The following LYPD6B variants were observed in gnomAD, a reference collection of about 807,000 sequenced individuals.
LYPD6B encodes the protein ly6/PLAUR domain-containing protein 6B.
In LYPD6B, 17 loss-of-function variants were observed where a neutral mutation model predicts 22.8. The observed-to-expected ratio is 0.75, with a 90% confidence interval of 0.51 to 1.12. The LOEUF is 1.12. Ranked by LOEUF, LYPD6B falls within the 50% of genes most tolerant of loss-of-function variation. The probability of loss-of-function intolerance (pLI) is 0.00; values close to 1 mark genes in which losing one functional copy is unlikely to be tolerated. For synonymous variants in LYPD6B, 106 were observed against 91.6 expected, an observed-to-expected ratio of 1.16 and a Z score of -0.90; for missense variants, 221 against 258.3, an observed-to-expected ratio of 0.86 and a Z score of 0.99.
chr2:149,108,391 G>GT (rs1327454334), intron 1 of LYPD6B, among the ~76,000 whole-genome samples: 1 of 152,114 alleles, frequency 6.6e-6, no homozygotes, highest in Non-Finnish European at 1.5e-5. Flanking sequence ...TCAAAGCTCT[G>GT]TTTTTAGGTT....
chr2:149,049,392 A>G (rs1218774352), intron 1 of LYPD6B, among the ~76,000 whole-genome samples: 9 of 152,202 alleles, frequency 5.9e-5, no homozygotes, highest in Admixed American at 5.2e-4. Context: ...TACACGTGAC[A>G]CTTTATGAAA....
chr2:149,110,830 A>G (rs762537809), intron 1 of LYPD6B, among the ~76,000 whole-genome samples: 15 of 152,220 alleles, frequency 9.9e-5, no homozygotes, highest in Non-Finnish European at 1.9e-4. Context: ...GTTCTGTATC[A>G]GGTAGTAATA....
chr2:149,175,061 C>CTCTCTCTGTGTGTGTG (rs1454802925), intron 3 of LYPD6B, among the ~76,000 whole-genome samples: 69 of 113,066 alleles, frequency 6.1e-4, no homozygotes, highest in African/African-American at 9.7e-4. Flanking sequence ...CTCTCTCTCT[C>CTCTCTCTGTGTGTGTG]TGTGTGTGTG....
chr2:149,182,628 A>C (rs966016115), intron 3 of LYPD6B, among the ~76,000 whole-genome samples: 3 of 152,226 alleles, frequency 2.0e-5, no homozygotes, highest in Non-Finnish European at 4.4e-5. Context: ...GAATGAGTCC[A>C]GCTGTCAGTC....
chr2:149,196,807 G>A (rs1462052420), intron 3 of LYPD6B, among the ~76,000 whole-genome samples: 3 of 152,072 alleles, frequency 2.0e-5, no homozygotes, highest in African/African-American at 7.2e-5. Context: ...TTATTTTTAC[G>A]ATCATTTTTC....
intron 1 of LYPD6B, among the ~76,000 whole-genome samples, chr2:149,085,001 G>A (rs946179074): frequency 6.6e-6 from 1 of 152,158 alleles, no homozygotes; most frequent in East Asian, 1.9e-4. Flanking sequence ...TCAAGGATAT[G>A]GGAGGCAACA....
chr2:149,205,467 C>T, intron 4 of LYPD6B, 63 bp downstream of exon 4: 1 of 1,515,826 alleles, frequency 6.6e-7, no homozygotes, highest in Non-Finnish European at 9.0e-7. Context: ...ATATGAAGCC[C>T]CCTTTTCCAT....
Position 149,213,053 on chromosome 2 carries a change from C to T in LYPD6B, c.390C>T (p.Thr130=). 6.2e-7 allele frequency: 1 copy of T among 1,613,946 alleles called. No individual in the cohort carries two copies. Among genetic ancestry groups the T allele is most frequent in the East Asian group, 2.2e-5 (1 of 44,874 alleles). ...FTSHGRSTSI[T]KKCASRSECH... is the part of the protein sequence containing the mutation. The stretch of plus-strand genomic sequence containing the variant: ...GCCACGGAAGAAGCACATCCATCAC[C>T]AAAAAGTGTGCCTCCAGAAGTGAAT... The change falls in exon 6 of 7, where the codon ACC becomes ACT. Residue 130 remains threonine (T), a synonymous_variant. Coordinates refer to ENST00000409642, the MANE Select transcript of LYPD6B (RefSeq NM_177964.5).
intron 1 of LYPD6B, among the ~76,000 whole-genome samples, chr2:149,115,927 G>T (rs1686983496): frequency 6.6e-6 from 1 of 152,206 alleles, no homozygotes; most frequent in Admixed American, 6.5e-5. Context: ...TCATTTCTTT[G>T]TTCAGCTTTT....
intron 1 of LYPD6B, among the ~76,000 whole-genome samples, chr2:149,087,180 G>A (rs918041616): frequency 1.3e-5 from 2 of 152,068 alleles, no homozygotes; most frequent in African/African-American, 4.8e-5. Flanking sequence ...CACTTGTAAC[G>A]TTACACTGTT....
intron 1 of LYPD6B, among the ~76,000 whole-genome samples, chr2:149,071,591 C>A (rs888356502): frequency 7.2e-5 from 11 of 152,136 alleles, no homozygotes; most frequent in African/African-American, 2.7e-4. Flanking sequence ...GATGCATACA[C>A]TAAATAATAA....
intron 3 of LYPD6B, chr2:149,187,657 G>C: frequency 1.4e-6 from 1 of 720,408 alleles, no homozygotes; most frequent in Non-Finnish European, 2.1e-6. Context: ...CAATCTTTTG[G>C]ATTCTGTGGG....
At chr2:149,061,518 T>A (rs796252965) in intron 1 of LYPD6B, among the ~76,000 whole-genome samples, 3 of 152,158 alleles carry the variant, frequency 2.0e-5, no homozygotes, top group East Asian at 3.8e-4. Flanking sequence ...TCTCAAGTTG[T>A]CACCCTAGAC....
intron 1 of LYPD6B, among the ~76,000 whole-genome samples, chr2:149,057,413 C>A (rs1917583): frequency 0.29 from 44,344 of 150,966 alleles, 7,170 homozygotes; most frequent in Non-Finnish European, 0.36. Context: ...ATTACAGTGC[C>A]TTTTTTCTTT....
chr2:149,062,282 C>T (rs191527995), intron 1 of LYPD6B, among the ~76,000 whole-genome samples: 3 of 152,212 alleles, frequency 2.0e-5, no homozygotes, highest in South Asian at 2.1e-4. Flanking sequence ...CCACCGCGCC[C>T]GGCAGAATCT....
rs143442704 is a variant in LYPD6B at position 149,061,399 on chromosome 2, G to T, written c.-67+22598G>T. 2.6e-5 allele frequency among the ~76,000 whole-genome samples: 4 copies of T among 152,238 alleles called. No homozygotes were observed. In the East Asian group the frequency reaches 7.7e-4, roughly 29 times the overall value. ...TAATAAAATATGTGTCTGTTTATATGTGTTTTTAGGTGACTCTATTCCAAT... is the reference window on the plus strand; with the variant it reads ...TAATAAAATATGTGTCTGTTTATATTTGTTTTTAGGTGACTCTATTCCAAT... On this transcript the variant is annotated intron_variant, in intron 1 of 6. Transcript: ENST00000409642.
At chr2:149,159,929 T>A (rs966798716) in intron 2 of LYPD6B, among the ~76,000 whole-genome samples, 16 of 152,142 alleles carry the variant, frequency 1.1e-4, no homozygotes, top group African/African-American at 2.7e-4. Context: ...AATACCTTCT[T>A]GGCATGGACT....
intron 5 of LYPD6B, among the ~76,000 whole-genome samples, chr2:149,212,380 CA>C (rs386391473): frequency 0.017 from 1,017 of 60,028 alleles, 3 homozygotes; most frequent in African/African-American, 0.072. Context: ...GACTCCGTCT[CA>C]AAAAAAAAAA....
intron 1 of LYPD6B, among the ~76,000 whole-genome samples, chr2:149,110,040 C>A (rs927706820): frequency 6.6e-6 from 1 of 152,016 alleles, no homozygotes; most frequent in Admixed American, 6.6e-5. Context: ...AGATTCTTTT[C>A]CTTCTCTGTT....
Sources: allele counts gnomAD v4.1 joint callset (sites outside exome capture counted in the v4.1 genomes callset), GRCh38; gene constraint gnomAD v4.1.1; transcripts MANE v1.5; gene names NCBI Gene and HGNC (gene_info 2026-07-23, HGNC 2026-07-21).